ERO1B: variants seen among roughly 807,000 people sequenced by gnomAD.
ERO1B encodes the protein ERO1-like protein beta.
Under a neutral mutation model 75.3 loss-of-function variants are expected in ERO1B, and 49 were observed. The observed-to-expected ratio is 0.65, with a 90% CI of 0.52 to 0.83. The LOEUF is 0.83. ERO1B is among the 40% of genes least tolerant of loss of function. The probability of loss-of-function intolerance (pLI) is 0.00; values close to 1 mark genes in which losing one functional copy is unlikely to be tolerated. For synonymous variants in ERO1B, 191 were observed against 192.9 expected (o/e 0.99, Z 0.08); for missense variants, 512 against 560.1 (o/e 0.91, Z 0.87).
chr1:236,229,975 G>A (rs912133564), intron 10 of ERO1B, among the ~76,000 whole-genome samples: 4 of 152,098 alleles, frequency 2.6e-5, no homozygotes, highest in Non-Finnish European at 4.4e-5. Context: ...ATAAGATTAG[G>A]GAACCAGTTA....
intron 1 of ERO1B, among the ~76,000 whole-genome samples, chr1:236,274,093 C>T (rs1328973132): frequency 6.6e-6 from 1 of 150,448 alleles, no homozygotes; most frequent in Non-Finnish European, 1.5e-5. Context: ...AAGTGATTCT[C>T]GTGCCTCAGC....
At chr1:236,243,897 G>A (rs1664773822) in intron 5 of ERO1B, among the ~76,000 whole-genome samples, 1 of 151,946 alleles carries the variant, frequency 6.6e-6, no homozygotes, top group Non-Finnish European at 1.5e-5. Flanking sequence ...AATTTAAATT[G>A]TGTCTATACT....
chr1:236,268,582 G>C (rs770866147), intron 2 of ERO1B, among the ~76,000 whole-genome samples: 1 of 152,156 alleles, frequency 6.6e-6, no homozygotes, highest in Non-Finnish European at 1.5e-5. Context: ...GCAAGACCCT[G>C]TCTCTAAAAA....
At chr1:236,254,293 T>G (rs1558517095) in intron 2 of ERO1B, among the ~76,000 whole-genome samples, 1 of 152,210 alleles carries the variant, frequency 6.6e-6, no homozygotes, top group Non-Finnish European at 1.5e-5. Context: ...CTTTTCTTGT[T>G]CCCCATCAAA....
intron 1 of ERO1B, among the ~76,000 whole-genome samples, chr1:236,272,792 G>GT (rs1226407185): frequency 6.6e-6 from 1 of 151,928 alleles, no homozygotes; most frequent in Admixed American, 6.6e-5. Context: ...TATGCTTGAG[G>GT]TTTTTTTCCC....
intron 6 of ERO1B, among the ~76,000 whole-genome samples, chr1:236,237,710 CTCTT>C (rs1479601274): frequency 1.3e-5 from 2 of 152,174 alleles, no homozygotes; most frequent in African/African-American, 2.4e-5. Flanking sequence ...TTAAATGTCT[CTCTT>C]TCATTACCTG....
At chr1:236,250,757 C>T (rs1487650257) in intron 4 of ERO1B, among the ~76,000 whole-genome samples, 2 of 151,434 alleles carry the variant, frequency 1.3e-5, no homozygotes, top group Admixed American at 6.6e-5. Flanking sequence ...TACACACACA[C>T]GTTTGCAAAA....
At chr1:236,233,313 A>C (rs531412626) in intron 8 of ERO1B, among the ~76,000 whole-genome samples, 13 of 151,044 alleles carry the variant, frequency 8.6e-5, no homozygotes, top group Admixed American at 7.3e-4. Context: ...CCGTCTCAAA[A>C]AAAAAAAAAA....
At chr1:236,228,274 G>A (rs7536347) in intron 10 of ERO1B, among the ~76,000 whole-genome samples, 2,369 of 152,260 alleles carry the variant, frequency 0.016, 60 homozygotes, top group African/African-American at 0.052. Context: ...AGTGAGGGGA[G>A]AGGAATAGAA....
intron 2 of ERO1B, among the ~76,000 whole-genome samples, chr1:236,265,067 A>G (rs969314049): frequency 4.0e-5 from 6 of 150,356 alleles, no homozygotes; most frequent in Non-Finnish European, 7.4e-5. Flanking sequence ...TTTTTAAATC[A>G]GAGCCATCAC....
intron 6 of ERO1B, among the ~76,000 whole-genome samples, chr1:236,240,760 C>T (rs191175322): frequency 1.2e-3 from 179 of 152,228 alleles, no homozygotes; most frequent in African/African-American, 4.2e-3. Context: ...CCTCAAATAG[C>T]TCACAATCTA....
intron 2 of ERO1B, among the ~76,000 whole-genome samples, chr1:236,266,904 A>G (rs962123065): frequency 6.6e-6 from 1 of 152,210 alleles, no homozygotes; most frequent in Non-Finnish European, 1.5e-5. Flanking sequence ...TGATCAGAAC[A>G]TTTTTAAACT....
intron 1 of ERO1B, among the ~76,000 whole-genome samples, chr1:236,270,880 AG>A (rs1665574670): frequency 6.6e-6 from 1 of 152,166 alleles, no homozygotes; most frequent in Non-Finnish European, 1.5e-5. Flanking sequence ...TGGGGTAGGT[AG>A]GGTAGGAAGG....
At chr1:236,236,097 T>G (rs1664536146) in intron 7 of ERO1B, among the ~76,000 whole-genome samples, 181 bp downstream of exon 7, 1 of 152,146 alleles carries the variant, frequency 6.6e-6, no homozygotes, top group African/African-American at 2.4e-5. Flanking sequence ...GCTAATTTTT[T>G]TGTATTTTTA....
intron 5 of ERO1B, among the ~76,000 whole-genome samples, chr1:236,244,551 T>A (rs1292974103): frequency 6.6e-6 from 1 of 152,164 alleles, no homozygotes; most frequent in African/African-American, 2.4e-5. Context: ...ATAAGATAGA[T>A]CTTATGTTGA....
chr1:236,236,381 C>A lies in ERO1B; in HGVS notation c.523G>T (p.Ala175Ser). The A allele has an allele frequency of 1.2e-6, 2 of 1,613,662 alleles. No homozygotes were observed. The highest frequency in any genetic ancestry group is 1.7e-6 in the Non-Finnish European group (2 of 1,179,802). ...TTCAGCAATAGGTCTACATACTGAG[C>A]AGCTGGAGATCTCTCATCTGAACAA... Reference protein sequence around the residue: ...CELDDERSPAAQYVDLLLNPE... With the variant: ...CELDDERSPASQYVDLLLNPE... Residue 175 changes from alanine to serine, a missense_variant, in exon 7 of 16, where the codon GCT becomes TCT. Physicochemically the swap from Ala to Ser is moderately conservative, Grantham distance 99. Transcript: ENST00000354619.
At chr1:236,224,593 A>G (rs775407932) in intron 13 of ERO1B, among the ~76,000 whole-genome samples, 2 of 152,258 alleles carry the variant, frequency 1.3e-5, no homozygotes, top group African/African-American at 2.4e-5. Flanking sequence ...TAATGTTCCC[A>G]AAACATATTC....
At chr1:236,232,725 ACAG>A in intron 9 of ERO1B, 100 bp downstream of exon 9, 1 of 1,008,246 alleles carries the variant, frequency 9.9e-7, no homozygotes. Flanking sequence ...TTCTTAGAAA[ACAG>A]GAATACTTTC....
rs35648587 is a variant in ERO1B at position 236,269,908 on chromosome 1, T to C, written c.189A>G (p.Lys63=). ...AACGAAAATAGTCTCTCTCTTGCAA[T>C]TTTTTTATTTTGGGGAAGATTTTGT... ...NTYKIFPKIK[K]LQERDYFRYY... The change falls in exon 2 of 16, where the codon AAA becomes AAG. Residue 63 remains lysine (K), a synonymous_variant. Coordinates refer to ENST00000354619, the MANE Select transcript of ERO1B (RefSeq NM_019891.4). 6.3e-7 allele frequency: 1 copy of C among 1,597,788 alleles called. No homozygotes were observed. Among genetic ancestry groups the C allele is most frequent in the Admixed American group, 1.7e-5 (1 of 59,896 alleles).
Sources: gnomAD v4.1 joint callset for allele counts (sites outside exome capture counted in the v4.1 genomes callset) on GRCh38, gnomAD v4.1.1 for gene constraint, MANE v1.5 for transcripts, NCBI Gene and HGNC (gene_info 2026-07-23, HGNC 2026-07-21) for gene names.